Variants in SHC3 observed in about 807,000 individuals in gnomAD.
SHC3 encodes the protein SHC-transforming protein 3.
SHC3 carries 15 observed loss-of-function variants against 60.4 expected under a neutral mutation model. That is an observed-to-expected ratio of 0.25 (90% CI 0.17 to 0.38). The LOEUF (loss-of-function observed/expected upper bound fraction) is 0.38, where lower values mean the gene tolerates loss of function less well. Among genes scored for constraint, SHC3 ranks in the 10% least tolerant of loss-of-function variants. The probability of loss-of-function intolerance (pLI) is 1.00; values close to 1 mark genes in which losing one functional copy is unlikely to be tolerated. For synonymous variants in SHC3, 294 were observed against 325.9 expected (o/e 0.90, Z 1.05); for missense variants, 677 against 786.1 (o/e 0.86, Z 1.66).
intron 2 of SHC3, among the ~76,000 whole-genome samples, chr9:89,094,982 A>C (rs1825680627): frequency 6.6e-6 from 1 of 152,204 alleles, no homozygotes; most frequent in Admixed American, 6.5e-5. Context: ...GGAAACAACA[A>C]GTGTTGGCAA....
intron 1 of SHC3, among the ~76,000 whole-genome samples, chr9:89,159,329 A>C (rs1462901825): frequency 6.6e-6 from 1 of 152,216 alleles, no homozygotes; most frequent in African/African-American, 2.4e-5. Context: ...TCTTAAATTT[A>C]ATTTACAAAC....
At chr9:89,107,892 G>T (rs1010614879) in intron 2 of SHC3, among the ~76,000 whole-genome samples, 14 of 152,110 alleles carry the variant, frequency 9.2e-5, no homozygotes, top group Non-Finnish European at 5.9e-5. Flanking sequence ...CAGTGAAAAA[G>T]GAATTCTGAA....
At chr9:89,096,097 A>G (rs928780193) in intron 2 of SHC3, among the ~76,000 whole-genome samples, 6 of 152,220 alleles carry the variant, frequency 3.9e-5, no homozygotes, top group Non-Finnish European at 8.8e-5. Context: ...AGCTATGCAC[A>G]TAGATTTCCA....
At chr9:89,174,469 G>A (rs1184538886) in intron 1 of SHC3, among the ~76,000 whole-genome samples, 3 of 152,148 alleles carry the variant, frequency 2.0e-5, no homozygotes, top group Non-Finnish European at 2.9e-5. Context: ...ATGTAACTTC[G>A]CTGGAGCCTT....
At chr9:89,153,110 G>A (rs945688304) in intron 1 of SHC3, among the ~76,000 whole-genome samples, 57 of 151,982 alleles carry the variant, frequency 3.8e-4, no homozygotes, top group African/African-American at 1.2e-3. Context: ...AAGGTTTTGT[G>A]GTTTACTATG....
chr9:89,018,324 A>C (rs942347099), intron 11 of SHC3, among the ~76,000 whole-genome samples: 3 of 152,106 alleles, frequency 2.0e-5, no homozygotes, highest in Non-Finnish European at 4.4e-5. Context: ...AAAAAGGATG[A>C]GTTCATGTCC....
chr9:89,072,294 G>A (rs1018134297), intron 4 of SHC3, among the ~76,000 whole-genome samples: 2 of 152,284 alleles, frequency 1.3e-5, no homozygotes, highest in South Asian at 2.1e-4. Context: ...CCCGAGGCCA[G>A]GGTCTTAACA....
chr9:89,150,821 C>A (rs774487870), intron 1 of SHC3, among the ~76,000 whole-genome samples: 9 of 152,122 alleles, frequency 5.9e-5, no homozygotes, highest in Non-Finnish European at 1.0e-4. Context: ...ATGTTCCCAC[C>A]AGCTGTGTAT....
At chr9:89,147,386 T>A (rs1274073256) in intron 1 of SHC3, among the ~76,000 whole-genome samples, 6 of 152,124 alleles carry the variant, frequency 3.9e-5, no homozygotes, top group African/African-American at 1.4e-4. Flanking sequence ...CTGCCCTTCT[T>A]GTGCCAACTC....
chr9:89,166,948 T>C (rs1334056397), intron 1 of SHC3, among the ~76,000 whole-genome samples: 1 of 152,230 alleles, frequency 6.6e-6, no homozygotes, highest in Non-Finnish European at 1.5e-5. Context: ...TACTGTGTGG[T>C]GTAGACTCTA....
rs1826968616 is a variant in SHC3 at position 89,178,039 on chromosome 9, G to C, written c.422C>G (p.Ala141Gly). The change falls in exon 1 of 12, where the codon GCG (alanine) becomes GGG (glycine). Residue 141 changes from alanine (A) to glycine (G), a missense_variant. Physicochemically the swap from Ala to Gly is moderately conservative, Grantham distance 60 (BLOSUM62 0). Coordinates refer to ENST00000375835, the MANE Select transcript of SHC3 (RefSeq NM_016848.6). The surrounding 1 kb of genome is among the most constrained non-coding windows in gnomAD (Gnocchi z 6.9). ...CAGCACCTGGTCGCTGGCGTGCGGC[G>C]CCCCCCGAGGGGGCCTGGGCAGCGG... Reference protein sequence around the residue: ...DEPLPRPPRGAPHASDQVLGP... With the variant: ...DEPLPRPPRGGPHASDQVLGP... 3.3e-6 allele frequency: 4 copies of C among 1,230,188 alleles called. No homozygotes were observed. Among genetic ancestry groups the C allele is most frequent in the Non-Finnish European group, 3.0e-6 (3 of 987,038 alleles). The allele number at this position is 1,230,188 out of a possible 1,614,324, so 76.2% of individuals were successfully genotyped here.
At chr9:89,116,617 T>G (rs1191460734) in intron 1 of SHC3, among the ~76,000 whole-genome samples, 2 of 152,160 alleles carry the variant, frequency 1.3e-5, no homozygotes, top group African/African-American at 4.8e-5. Context: ...AATTGTCAAT[T>G]CCAACACTCA....
At chr9:89,109,730 C>T in intron 2 of SHC3, 9 of 985,528 alleles carry the variant, frequency 9.1e-6, no homozygotes, top group Non-Finnish European at 9.6e-6. Context: ...CATCTTCAGG[C>T]ATCTCCAGGC....
chr9:89,051,627 C>T (rs756672753), intron 7 of SHC3, among the ~76,000 whole-genome samples: 6 of 152,148 alleles, frequency 3.9e-5, no homozygotes, highest in Admixed American at 1.3e-4. Context: ...CAGTGCCTCA[C>T]GGAGGGGACC....
Position 89,040,325 on chromosome 9 carries a change from T to G in SHC3, c.1360+1701A>C, listed in dbSNP as rs140232924. Among the ~76,000 whole-genome samples, 650 of 120,072 alleles carry G rather than the reference T, an allele frequency of 5.4e-3. 5 individuals are homozygous for G. Among genetic ancestry groups the G allele is most frequent in the South Asian group, 0.041 (147 of 3,606 alleles). The allele number at this position is 120,072 out of a possible 152,430, so 78.8% of individuals were successfully genotyped here. Reference sequence around the variant, plus strand: ...CACCGCTATATTTAGATCTACTGGTTCAAAATAAAGAACACAGAGTGCTGG... The same window carrying G: ...CACCGCTATATTTAGATCTACTGGTGCAAAATAAAGAACACAGAGTGCTGG... On this transcript the variant is annotated intron_variant, in intron 10 of 11. Transcript: ENST00000375835.
intron 11 of SHC3, among the ~76,000 whole-genome samples, chr9:89,030,377 C>T (rs1269259969): frequency 6.6e-6 from 1 of 152,094 alleles, no homozygotes; most frequent in African/African-American, 2.4e-5. Flanking sequence ...CCAACTAGAC[C>T]TAATAGATAT....
At chr9:89,051,313 T>C (rs1421620552) in intron 7 of SHC3, among the ~76,000 whole-genome samples, 1 of 152,220 alleles carries the variant, frequency 6.6e-6, no homozygotes, top group Non-Finnish European at 1.5e-5. Flanking sequence ...ATATGCCCCA[T>C]ATTACTTTTC....
intron 6 of SHC3, among the ~76,000 whole-genome samples, chr9:89,056,003 G>A (rs577663559): frequency 2.0e-5 from 3 of 152,342 alleles, no homozygotes; most frequent in East Asian, 3.9e-4. Context: ...CTTGTTAGCC[G>A]TGAAAGCATT....
intron 6 of SHC3, among the ~76,000 whole-genome samples, chr9:89,062,689 A>G (rs1825110871): frequency 6.6e-6 from 1 of 152,210 alleles, no homozygotes; most frequent in Non-Finnish European, 1.5e-5. Flanking sequence ...CAGCCACAAC[A>G]CTACAAGGTC....
Sources: allele counts gnomAD v4.1 joint callset (sites outside exome capture counted in the v4.1 genomes callset), GRCh38; gene constraint gnomAD v4.1.1; non-coding constraint Gnocchi (gnomAD v3.1); transcripts MANE v1.5; gene names NCBI Gene and HGNC (gene_info 2026-07-23, HGNC 2026-07-21).